The following GCH1 variants were observed in gnomAD, a reference collection of about 807,000 sequenced individuals.
GCH1 encodes the protein GTP cyclohydrolase I.
Under a neutral mutation model 25.9 loss-of-function variants are expected in GCH1, and 5 were observed. The observed-to-expected ratio is 0.19, with a 90% CI of 0.10 to 0.41. The LOEUF is 0.41. GCH1 is among the 10% of genes least tolerant of loss of function. GCH1 has a pLI of 1.00. For synonymous variants in GCH1, 159 were observed against 129.6 expected (o/e 1.23, Z -1.54); for missense variants, 261 against 336.5 (o/e 0.78, Z 1.75).
At chr14:54,868,671 G>A (rs2878170) in intron 1 of GCH1, among the ~76,000 whole-genome samples, 31,667 of 151,646 alleles carry the variant, frequency 0.21, 3,481 homozygotes, top group Admixed American at 0.25. Flanking sequence ...GCATGATCTC[G>A]GCTCACTGCA....
At chr14:54,866,176 G>A (rs1392397294) in intron 1 of GCH1, among the ~76,000 whole-genome samples, 2 of 151,748 alleles carry the variant, frequency 1.3e-5, no homozygotes. Flanking sequence ...TATGCTATGT[G>A]CAAAAGAAAA....
At chr14:54,876,887 G>A (rs535653501) in intron 1 of GCH1, among the ~76,000 whole-genome samples, 2 of 152,216 alleles carry the variant, frequency 1.3e-5, no homozygotes, top group East Asian at 1.9e-4. Flanking sequence ...TGAAAGGGAA[G>A]CATCTTTGAA....
At chr14:54,894,678 C>T (rs1235793609) in intron 1 of GCH1, among the ~76,000 whole-genome samples, 1 of 152,138 alleles carries the variant, frequency 6.6e-6, no homozygotes, top group Non-Finnish European at 1.5e-5. Flanking sequence ...CTCCCCCTTT[C>T]TCAGTAACTT....
chr14:54,869,793 T>C (rs2040043475), intron 1 of GCH1, among the ~76,000 whole-genome samples: 1 of 152,184 alleles, frequency 6.6e-6, no homozygotes, highest in Non-Finnish European at 1.5e-5. Flanking sequence ...TAAAAAGTTT[T>C]CTAAAAAGCA....
intron 3 of GCH1, among the ~76,000 whole-genome samples, chr14:54,858,546 A>G (rs1477413208): frequency 6.6e-6 from 1 of 152,098 alleles, no homozygotes; most frequent in Non-Finnish European, 1.5e-5. Context: ...TCAGCCTCCC[A>G]AAGTGCTGGG....
chr14:54,871,732 G>C (rs1015703305), intron 1 of GCH1, among the ~76,000 whole-genome samples: 16 of 152,210 alleles, frequency 1.1e-4, no homozygotes, highest in South Asian at 6.2e-4. Flanking sequence ...CGATCAACTG[G>C]AAGAAAGGGT....
intron 3 of GCH1, among the ~76,000 whole-genome samples, chr14:54,853,873 A>C (rs998440680): frequency 6.6e-6 from 1 of 152,168 alleles, no homozygotes; most frequent in African/African-American, 2.4e-5. Context: ...GGTTACTTGA[A>C]AGCTTGAAAG....
chr14:54,895,999 A>G (rs2040479116), intron 1 of GCH1, among the ~76,000 whole-genome samples: 1 of 152,242 alleles, frequency 6.6e-6, no homozygotes, highest in Non-Finnish European at 1.5e-5. Flanking sequence ...ACGTAGGGAA[A>G]ACTGAACAAA....
chr14:54,850,965 G>A lies in GCH1; in HGVS notation c.510-3835C>T, dbSNP rs541100020. 8.5e-5 allele frequency among the ~76,000 whole-genome samples: 13 copies of A among 152,208 alleles called. No homozygotes were observed. In the South Asian group the frequency reaches 2.1e-3, roughly 24 times the overall value. Reference sequence around the variant, plus strand: ...CGTGTGCATGTGCTGGAGGCATCACGCTACCTGACTTCAAACTATACTACA... The same window carrying A: ...CGTGTGCATGTGCTGGAGGCATCACACTACCTGACTTCAAACTATACTACA... On this transcript the variant is annotated intron_variant, in intron 3 of 5. Transcript: ENST00000491895.
rs183455779 is a variant in GCH1 at position 54,843,003 on chromosome 14, G to A, written c.*1014C>T. ...GACACAGCTCATAATGTCTTCCACCGTCAGTTCATTCTGTGCTCGTTCAGG... is the reference window on the plus strand; with the variant it reads ...GACACAGCTCATAATGTCTTCCACCATCAGTTCATTCTGTGCTCGTTCAGG... On this transcript the variant is annotated 3_prime_UTR_variant, in exon 6 of 6. Coordinates refer to ENST00000491895, the MANE Select transcript of GCH1 (RefSeq NM_000161.3). 136 of 794,962 alleles carry A rather than the reference G, an allele frequency of 1.7e-4. 1 individual carries two copies. The African/African-American group carries it at 2.1e-3, about 12-fold the overall frequency. 49.2% of individuals were successfully genotyped at this position (794,962 alleles called of 1,614,324 possible).
chr14:54,848,314 T>G (rs1272316197), intron 3 of GCH1, among the ~76,000 whole-genome samples: 1 of 152,104 alleles, frequency 6.6e-6, no homozygotes, highest in Non-Finnish European at 1.5e-5. Context: ...TTTTTGTATT[T>G]TTAGTAGAGA....
intron 1 of GCH1, among the ~76,000 whole-genome samples, chr14:54,894,063 G>C (rs2040455806): frequency 1.3e-5 from 2 of 152,158 alleles, no homozygotes; most frequent in African/African-American, 4.8e-5. Context: ...TGAAATTGTA[G>C]TAAAATTCCT....
At chr14:54,873,050 A>G (rs1192733846) in intron 1 of GCH1, among the ~76,000 whole-genome samples, 2 of 152,042 alleles carry the variant, frequency 1.3e-5, no homozygotes, top group Admixed American at 1.3e-4. Flanking sequence ...CAGAATATAC[A>G]TTCTTCTCAG....
At chr14:54,854,519 C>T (rs1332495229) in intron 3 of GCH1, among the ~76,000 whole-genome samples, 1 of 150,606 alleles carries the variant, frequency 6.6e-6, no homozygotes, top group Admixed American at 6.6e-5. Flanking sequence ...CATACAAGTA[C>T]CAAAAAAAAA....
At chr14:54,853,257 C>T (rs901567666) in intron 3 of GCH1, among the ~76,000 whole-genome samples, 6 of 152,232 alleles carry the variant, frequency 3.9e-5, no homozygotes, top group African/African-American at 1.2e-4. Flanking sequence ...ATCCACCATG[C>T]CTGGCCTTAT....
chr14:54,870,500 G>T (rs982523323), intron 1 of GCH1, among the ~76,000 whole-genome samples: 1 of 152,154 alleles, frequency 6.6e-6, no homozygotes, highest in South Asian at 2.1e-4. Context: ...TCGGACAGTG[G>T]GTGCAGGACA....
intron 1 of GCH1, among the ~76,000 whole-genome samples, chr14:54,875,824 G>C (rs542309118): frequency 6.6e-6 from 1 of 152,150 alleles, no homozygotes; most frequent in African/African-American, 2.4e-5. Context: ...TTAGAATGGC[G>C]ATCATTAAAA....
intron 3 of GCH1, among the ~76,000 whole-genome samples, chr14:54,853,273 C>T (rs769862805): frequency 6.6e-6 from 1 of 152,020 alleles, no homozygotes; most frequent in Non-Finnish European, 1.5e-5. Flanking sequence ...CTTATGGGGT[C>T]GTTTGAAACT....
intron 2 of GCH1, among the ~76,000 whole-genome samples, chr14:54,860,786 G>A (rs921886770): frequency 3.3e-5 from 5 of 152,050 alleles, no homozygotes; most frequent in East Asian, 1.9e-4. Flanking sequence ...TGATCTGCCC[G>A]CCTCGGCCTC....
Sources: gnomAD v4.1 joint callset for allele counts (sites outside exome capture counted in the v4.1 genomes callset) on GRCh38, gnomAD v4.1.1 for gene constraint, MANE v1.5 for transcripts, NCBI Gene and HGNC (gene_info 2026-07-23, HGNC 2026-07-21) for gene names.